The following GABRR2 variants were observed in gnomAD, a reference collection of about 807,000 sequenced individuals.
The protein encoded by GABRR2 is gamma-aminobutyric acid type A receptor subunit rho2.
In GABRR2, 36 loss-of-function variants were observed where a neutral mutation model predicts 47.0. The observed-to-expected ratio is 0.77, with a 90% confidence interval of 0.59 to 1.01. The LOEUF is 1.01. GABRR2 is among the 50% of genes least tolerant of loss of function. The probability of loss-of-function intolerance (pLI) is 0.00; values close to 1 mark genes in which losing one functional copy is unlikely to be tolerated. For synonymous variants in GABRR2, 204 were observed against 227.5 expected (o/e 0.90, Z 0.93); for missense variants, 587 against 594.6 (o/e 0.99, Z 0.13).
rs769349942 is a variant in GABRR2, at chr6:89,257,989, C to A, written c.1087-8G>T. On this transcript the variant is annotated splice_polypyrimidine_tract_variant and splice_region_variant and intron_variant, in intron 8 of 8. Transcript: ENST00000402938. ...TCCACACATGCACGGGAACTATGGG[C>A]AGCAAGCACAAAGAACATCATTAAG... is the stretch of plus-strand genomic sequence containing the variant. The A allele has an allele frequency of 6.2e-7, 1 of 1,609,650 alleles. No homozygotes were observed. The highest frequency in any genetic ancestry group is 1.3e-5 in the African/African-American group (1 of 74,892).
chr6:89,279,094 A>T (rs369955500), intron 2 of GABRR2, among the ~76,000 whole-genome samples: 28 of 152,284 alleles, frequency 1.8e-4, no homozygotes, highest in East Asian at 1.7e-3. Flanking sequence ...TGCCCTGTGC[A>T]TGGGCTGCAA....
chr6:89,267,055 A>T (rs78736065), intron 6 of GABRR2, among the ~76,000 whole-genome samples: 12,902 of 141,798 alleles, frequency 0.091, 717 homozygotes, highest in Non-Finnish European at 0.12. Flanking sequence ...GCTGGAGTGC[A>T]GTGGCGCAAT....
intron 1 of GABRR2, among the ~76,000 whole-genome samples, chr6:89,313,288 G>A (rs1582469821): frequency 6.6e-6 from 1 of 152,198 alleles, no homozygotes; most frequent in Admixed American, 6.5e-5. Flanking sequence ...TTGTTTCTGA[G>A]AAGCCCTGCA....
chr6:89,269,647 C>G (rs1774000718), intron 3 of GABRR2, among the ~76,000 whole-genome samples: 1 of 152,242 alleles, frequency 6.6e-6, no homozygotes, highest in Non-Finnish European at 1.5e-5. Flanking sequence ...TCGAATGTCT[C>G]TCTTAGGAGG....
At position 89,269,112 on chromosome 6, in the gene GABRR2, A is replaced by G; in HGVS notation, c.411T>C (p.Asp137=). The change falls in exon 4 of 9, where the codon GAT becomes GAC. Residue 137 remains aspartate (D), a synonymous_variant. Transcript: ENST00000402938. ...GRLVKKIWVP[D]VFFVHSKRSF... ...ATCTTTTGGAGTGAACAAAGAAGAC[A>G]TCAGGGACCCAGATCTTCTTCACCA... is the stretch of plus-strand genomic sequence containing the variant. 6.2e-7 allele frequency: 1 copy of G among 1,614,028 alleles called. No individual in the cohort carries two copies.
chr6:89,309,002 T>C (rs1338464137), intron 1 of GABRR2, among the ~76,000 whole-genome samples: 1 of 152,088 alleles, frequency 6.6e-6, no homozygotes, highest in Non-Finnish European at 1.5e-5. Context: ...AGCTATGGGT[T>C]GGAATAGAGG....
chr6:89,265,001 T>C (rs559977460), intron 7 of GABRR2, among the ~76,000 whole-genome samples: 27 of 152,278 alleles, frequency 1.8e-4, no homozygotes, highest in African/African-American at 6.5e-4. Context: ...AGGTGTGCTT[T>C]AGTCGCTGTG....
rs765214054 is a variant in GABRR2, at chr6:89,299,796, C to T, written c.183G>A (p.Val61=). 2.5e-6 allele frequency: 4 copies of T among 1,613,846 alleles called. No homozygotes were observed. Among genetic ancestry groups the T allele is most frequent in the Admixed American group, 3.3e-5 (2 of 59,994 alleles). Residue 61 remains valine (V), a synonymous_variant, in exon 2 of 9, where the codon GTG becomes GTA. Transcript: ENST00000402938. ...GTCTCATGCTGAAGTCGTGCTCGTC[C>T]ACTCTGAGAAGCTGCTGAGGCTTTC... ...RKGKPQQLLR[V]DEHDFSMRPA... is the part of the protein sequence containing the mutation.
intron 2 of GABRR2, among the ~76,000 whole-genome samples, chr6:89,284,397 C>T (rs571032221): frequency 6.6e-6 from 1 of 152,218 alleles, no homozygotes; most frequent in African/African-American, 2.4e-5. Flanking sequence ...GGTTGGATGG[C>T]AAAGGAGAAC....
intron 1 of GABRR2, among the ~76,000 whole-genome samples, chr6:89,307,783 T>C (rs1767594773): frequency 1.3e-5 from 2 of 152,086 alleles, no homozygotes; most frequent in South Asian, 4.1e-4. Context: ...ATACCTCTAT[T>C]TTCCTCCCTG....
At chr6:89,258,011 T>C in intron 8 of GABRR2, 30 bp from the exon 9 acceptor site, 1 of 1,597,070 alleles carries the variant, frequency 6.3e-7, no homozygotes, top group East Asian at 2.2e-5. Context: ...AGAACATCAT[T>C]AAGCCTTGTG....
intron 2 of GABRR2, among the ~76,000 whole-genome samples, chr6:89,277,437 T>G (rs1316468233): frequency 1.3e-5 from 2 of 152,162 alleles, no homozygotes; most frequent in Non-Finnish European, 2.9e-5. Flanking sequence ...GACAAAGAGC[T>G]AGTATACAGA....
intron 2 of GABRR2, among the ~76,000 whole-genome samples, chr6:89,272,462 G>A (rs1774073802): frequency 6.6e-6 from 1 of 152,250 alleles, no homozygotes; most frequent in Non-Finnish European, 1.5e-5. Flanking sequence ...GGAGAATGTA[G>A]TGAGTGGTAC....
At chr6:89,308,848 A>G (rs1767621008) in intron 1 of GABRR2, among the ~76,000 whole-genome samples, 1 of 152,208 alleles carries the variant, frequency 6.6e-6, no homozygotes, top group Non-Finnish European at 1.5e-5. Context: ...GTTTCTATAG[A>G]GCCCCTACTC....
rs1031467432 is a variant in GABRR2, at chr6:89,257,233, T to C, written c.*437A>G. On this transcript the variant is annotated 3_prime_UTR_variant, in exon 9 of 9. Coordinates refer to ENST00000402938, the MANE Select transcript of GABRR2 (RefSeq NM_002043.5). ...TAGGTAGGCACTTAATCAAGTTCAATGGGTTTACAGGGTGTTTTTTGTTCT... is the reference window on the plus strand; with the variant it reads ...TAGGTAGGCACTTAATCAAGTTCAACGGGTTTACAGGGTGTTTTTTGTTCT... 8 of 159,382 alleles carry C rather than the reference T, an allele frequency of 5.0e-5. No homozygotes were observed. The highest frequency in any genetic ancestry group is 4.7e-4 in the Admixed American group (8 of 16,966). 9.9% of individuals were successfully genotyped at this position (159,382 alleles called of 1,614,324 possible).
At chr6:89,269,306 C>T in intron 3 of GABRR2, 72 bp from the exon 4 acceptor site, 1 of 1,142,922 alleles carries the variant, frequency 8.7e-7, no homozygotes, top group East Asian at 2.3e-5. Context: ...ACCCACCATT[C>T]ACTACTGTGG....
At position 89,265,647 on chromosome 6, in the gene GABRR2, G is replaced by T. The variant is rs113272362; in HGVS notation, c.855C>A (p.Ile285=). ...CTCTGGCAGGCACAGCTCTGCGGTC[G>T]ATCCAGAAGGACACCCAGGACAGCA... The part of the protein sequence containing the change: ...MVMLSWVSFW[I]DRRAVPARVS... Residue 285 remains isoleucine (I), a synonymous_variant, in exon 7 of 9, where the codon ATC becomes ATA. Transcript: ENST00000402938. 1 of 1,614,004 alleles carries T rather than the reference G, an allele frequency of 6.2e-7. No homozygotes were observed. The highest frequency in any genetic ancestry group is 2.2e-5 in the East Asian group (1 of 44,898).
chr6:89,294,703 C>T (rs1774526776), intron 2 of GABRR2, among the ~76,000 whole-genome samples: 1 of 151,442 alleles, frequency 6.6e-6, no homozygotes, highest in African/African-American at 2.4e-5. Flanking sequence ...AGGTTTGTTA[C>T]ATATGTATAC....
intron 6 of GABRR2, among the ~76,000 whole-genome samples, chr6:89,266,698 C>G (rs1229089660): frequency 6.6e-6 from 1 of 152,186 alleles, no homozygotes; most frequent in Non-Finnish European, 1.5e-5. Context: ...TATGGTACAA[C>G]CATCACCACT....
Sources: gnomAD v4.1 joint callset for allele counts (sites outside exome capture counted in the v4.1 genomes callset) on GRCh38, gnomAD v4.1.1 for gene constraint, MANE v1.5 for transcripts, NCBI Gene and HGNC (gene_info 2026-07-23, HGNC 2026-07-21) for gene names.